The following GLG1 variants were observed in gnomAD, a reference collection of about 807,000 sequenced individuals.
GLG1 encodes the protein golgi glycoprotein 1.
In GLG1, 38 loss-of-function variants were observed where a neutral mutation model predicts 160.5. The observed-to-expected ratio is 0.24, with a 90% CI of 0.18 to 0.31. The LOEUF is 0.31. Ranked by LOEUF, GLG1 falls within the 10% of genes least tolerant of loss-of-function variation. The pLI, the probability that GLG1 is intolerant of heterozygous loss-of-function variation, is 1.00. For missense variants in GLG1, 1,373 were observed against 1,505.2 expected (o/e 0.91, Z 1.45); for synonymous variants, 644 against 543.4 (o/e 1.19, Z -2.57).
chr16:74,465,938 C>G, intron 18 of GLG1, 125 bp from the exon 19 acceptor site: 1 of 837,630 alleles, frequency 1.2e-6, no homozygotes, highest in East Asian at 2.5e-5. Flanking sequence ...CCCAGGCAAT[C>G]GGAATCAGGA....
rs34125450 is a variant in GLG1, at chr16:74,479,051, CAAAAAAAAAAAAAAA to C, written c.1827+1175_1827+1189del. 7.7e-3 allele frequency among the ~76,000 whole-genome samples: 135 copies of C among 17,582 alleles called. 4 individuals carry two copies. The South Asian group carries it at 0.16, about 21-fold the overall frequency. 11.5% of individuals were successfully genotyped at this position (17,582 alleles called of 152,430 possible). Reference sequence around the variant, plus strand: ...AGAAACCCCGTCTCTATTAAAAATCCAAAAAAAAAAAAAAAAAAAAAAAAAAAGCCAGGCATGACG... The same window carrying C: ...AGAAACCCCGTCTCTATTAAAAATCCAAAAAAAAAAAAGCCAGGCATGACG... On this transcript the variant is annotated intron_variant, in intron 11 of 25. Transcript: ENST00000422840.
At chr16:74,603,952 C>T (rs1473858586) in intron 1 of GLG1, among the ~76,000 whole-genome samples, 4 of 151,552 alleles carry the variant, frequency 2.6e-5, no homozygotes, top group Non-Finnish European at 4.4e-5. Context: ...ATATACTTGG[C>T]CTTTTTAAAA....
intron 7 of GLG1, 125 bp downstream of exon 7, chr16:74,492,823 GAAAAAAAAA>G (rs370571319): frequency 6.0e-6 from 2 of 334,500 alleles, no homozygotes; most frequent in Middle Eastern, 1.4e-3. Flanking sequence ...TCCGTCTCAA[GAAAAAAAAA>G]AAAAAAAGAA....
Position 74,453,085 on chromosome 16 carries a change from G to T in GLG1, c.*82C>A. 2 of 1,550,698 alleles carry T rather than the reference G, an allele frequency of 1.3e-6. No individual in the cohort carries two copies. The highest frequency in any genetic ancestry group is 1.7e-6 in the Non-Finnish European group (2 of 1,148,850). ...GGGGTTGGTGTCACTTCTGAGAAGA[G>T]CGAGGTGAGTGGGGATGCTATACAA... On this transcript the variant is annotated 3_prime_UTR_variant, in exon 26 of 26. Transcript: ENST00000422840.
intron 1 of GLG1, among the ~76,000 whole-genome samples, chr16:74,597,921 C>A (rs1392227337): frequency 1.3e-5 from 2 of 150,156 alleles, no homozygotes; most frequent in Non-Finnish European, 2.9e-5. Flanking sequence ...GAGGCTGAGG[C>A]AGGAGAATCG....
At chr16:74,462,347 T>C in intron 21 of GLG1, 141 bp downstream of exon 21, 1 of 840,498 alleles carries the variant, frequency 1.2e-6, no homozygotes, top group Non-Finnish European at 1.9e-6. Context: ...GCTTTTGATC[T>C]GGCCCCTTAG....
chr16:74,529,786 T>C (rs1290046291), intron 2 of GLG1, among the ~76,000 whole-genome samples: 1 of 148,844 alleles, frequency 6.7e-6, no homozygotes, highest in East Asian at 2.0e-4. Flanking sequence ...ATCGTATCCT[T>C]CCTATTCCTT....
At chr16:74,557,686 G>C (rs1302025636) in intron 1 of GLG1, among the ~76,000 whole-genome samples, 2 of 152,082 alleles carry the variant, frequency 1.3e-5, no homozygotes, top group Non-Finnish European at 2.9e-5. Flanking sequence ...AGAAGCATCT[G>C]AAAGAAGTCT....
At position 74,462,413 on chromosome 16, in the gene GLG1, G is replaced by C. The variant is rs1195334812; in HGVS notation, c.2934+75C>G. 8.7e-6 allele frequency: 12 copies of C among 1,385,776 alleles called. No homozygotes were observed. In the Admixed American group the frequency reaches 2.3e-4, roughly 27 times the overall value. The allele number at this position is 1,385,776 out of a possible 1,614,324, so 85.8% of individuals were successfully genotyped here. A position where few individuals can be genotyped will look rare whatever the true frequency, so the allele number is the denominator to read the frequency against. On this transcript the variant is annotated intron_variant, in intron 21 of 25. Coordinates refer to ENST00000422840, the MANE Select transcript of GLG1 (RefSeq NM_001145667.2). ...TCTTGGGAAAACGGGAGCAAGCTAGGGATTTCAAAAGAGAAAATTCCCAGG... is the reference window on the plus strand; with the variant it reads ...TCTTGGGAAAACGGGAGCAAGCTAGCGATTTCAAAAGAGAAAATTCCCAGG...
At position 74,496,582 on chromosome 16, in the gene GLG1, T is replaced by C; in HGVS notation, c.837A>G (p.Glu279=). 1 of 1,613,622 alleles carries C rather than the reference T, an allele frequency of 6.2e-7. No individual in the cohort carries two copies. Among genetic ancestry groups the C allele is most frequent in the Non-Finnish European group, 8.5e-7 (1 of 1,179,622 alleles). The change falls in exon 5 of 26, where the codon GAA becomes GAG. Residue 279 remains glutamate (E), a synonymous_variant. Transcript: ENST00000422840. The part of the protein sequence containing the change: ...CLEKGLVKEA[E]EREPKIQVSE... ...AAACTTGAATCTTGGGTTCTCTTTC[T>C]TCTGCTTCTTTCACCAGGCCTTTCT...
At chr16:74,570,944 T>C (rs986604627) in intron 1 of GLG1, among the ~76,000 whole-genome samples, 2 of 151,920 alleles carry the variant, frequency 1.3e-5, no homozygotes, top group Non-Finnish European at 2.9e-5. Context: ...TCACTCTTTG[T>C]GTTTTTTTGG....
intron 2 of GLG1, among the ~76,000 whole-genome samples, chr16:74,517,661 A>T (rs567895612): frequency 1.3e-5 from 2 of 152,312 alleles, no homozygotes; most frequent in East Asian, 1.9e-4. Flanking sequence ...GCCCTCTCTC[A>T]CCACTCCTAT....
chr16:74,467,893 G>T (rs773302145), intron 17 of GLG1, 45 bp from the exon 18 acceptor site: 1 of 1,277,806 alleles, frequency 7.8e-7, no homozygotes, highest in Admixed American at 1.8e-5. Context: ...GGTTTAGGCT[G>T]GAGATGTCAT....
chr16:74,485,256 G>A (rs1344225490), intron 9 of GLG1, among the ~76,000 whole-genome samples: 2 of 152,148 alleles, frequency 1.3e-5, no homozygotes, highest in Non-Finnish European at 2.9e-5. Flanking sequence ...TAAAGAATGA[G>A]AATACTTTAA....
At chr16:74,488,923 T>C (rs1292401232) in intron 8 of GLG1, among the ~76,000 whole-genome samples, 3 of 152,108 alleles carry the variant, frequency 2.0e-5, no homozygotes, top group Non-Finnish European at 1.5e-5. Context: ...CCAGCCTCAC[T>C]TGGCTAAATT....
chr16:74,504,404 C>T (rs540452018), intron 3 of GLG1, among the ~76,000 whole-genome samples: 4 of 152,286 alleles, frequency 2.6e-5, no homozygotes, highest in African/African-American at 9.6e-5. Context: ...TCTCCTGCCT[C>T]AGCTTCCTGA....
At chr16:74,504,976 G>C (rs1435436929) in intron 3 of GLG1, among the ~76,000 whole-genome samples, 2 of 152,172 alleles carry the variant, frequency 1.3e-5, no homozygotes, top group African/African-American at 4.8e-5. Flanking sequence ...ATTGCATTTG[G>C]GGAAATTAAG....
At position 74,574,883 on chromosome 16, in the gene GLG1, CAAAAAAAAA is replaced by C. The variant is rs531720341; in HGVS notation, c.438+31765_438+31773del. On this transcript the variant is annotated intron_variant, in intron 1 of 25. Coordinates refer to ENST00000422840, the MANE Select transcript of GLG1 (RefSeq NM_001145667.2). ...TGGGTAAGAGAGCAAGACTCTGTCT[CAAAAAAAAA>C]AAAAAAAAAAAAAAAAAAAAAGACA... Among the ~76,000 whole-genome samples, 234 of 24,774 alleles carry C rather than the reference CAAAAAAAAA, an allele frequency of 9.4e-3. 4 individuals carry two copies. Among genetic ancestry groups the C allele is most frequent in the African/African-American group, 0.044 (177 of 3,986 alleles). 16.3% of individuals were successfully genotyped at this position (24,774 alleles called of 152,430 possible). A position where few individuals can be genotyped will look rare whatever the true frequency, so the allele number is the denominator to read the frequency against.
chr16:74,528,501 G>A (rs908409460), intron 2 of GLG1, among the ~76,000 whole-genome samples: 15 of 151,480 alleles, frequency 9.9e-5, no homozygotes, highest in South Asian at 2.1e-4. Flanking sequence ...TTATCTTTTC[G>A]TTTTGGCAGA....
Sources: gnomAD v4.1 joint callset for allele counts (sites outside exome capture counted in the v4.1 genomes callset) on GRCh38, gnomAD v4.1.1 for gene constraint, MANE v1.5 for transcripts, NCBI Gene and HGNC (gene_info 2026-07-23, HGNC 2026-07-21) for gene names.